Variants in GALK2 observed in about 807,000 individuals in gnomAD.
GALK2 encodes galactokinase 2, also known as N-acetylgalactosamine kinase.
Under a neutral mutation model 52.4 loss-of-function variants are expected in GALK2, and 36 were observed. The ratio of observed to expected loss-of-function variants is 0.69; its 90% CI spans 0.53 to 0.91. GALK2 has a LOEUF of 0.91. Among genes scored for constraint, GALK2 ranks in the 40% least tolerant of loss-of-function variants. GALK2 has a pLI of 0.00. For missense variants in GALK2, 579 were observed against 559.1 expected (o/e 1.04, Z -0.36); for synonymous variants, 176 against 199.1 (o/e 0.88, Z 0.98).
At chr15:49,232,673 A>G (rs1006190897) in intron 3 of GALK2, among the ~76,000 whole-genome samples, 1 of 152,236 alleles carries the variant, frequency 6.6e-6, no homozygotes, top group Non-Finnish European at 1.5e-5. Context: ...TAGAAGCAGC[A>G]GGCTATATCT....
At chr15:49,246,202 G>T (rs2091344114) in intron 5 of GALK2, among the ~76,000 whole-genome samples, 1 of 152,158 alleles carries the variant, frequency 6.6e-6, no homozygotes. Flanking sequence ...TCCAGTTTCT[G>T]TCTGTTCTTG....
chr15:49,252,420 A>T (rs1347591283), intron 5 of GALK2, among the ~76,000 whole-genome samples: 1 of 152,200 alleles, frequency 6.6e-6, no homozygotes, highest in Non-Finnish European at 1.5e-5. Flanking sequence ...ATATACGGTC[A>T]TACTATAATG....
chr15:49,285,210 C>T (rs1296707449), intron 7 of GALK2, among the ~76,000 whole-genome samples: 1 of 152,170 alleles, frequency 6.6e-6, no homozygotes, highest in Non-Finnish European at 1.5e-5. Context: ...TCTTATTTCT[C>T]ATTGTTATTT....
chr15:49,359,546 C>G lies in GALK2; in HGVS notation c.427-7945C>G, dbSNP rs372733433. ...AATCAAAACCACAATGAGATACCATCTCACACCAGTTAGAATGGCAATCAT... is the reference window on the plus strand; with the variant it reads ...AATCAAAACCACAATGAGATACCATGTCACACCAGTTAGAATGGCAATCAT... On this transcript the variant is annotated intron_variant, in intron 3 of 3. Transcript: ENST00000558399. Among the ~76,000 whole-genome samples, 3 of 110,562 alleles carry G rather than the reference C, an allele frequency of 2.7e-5. 1 individual carries two copies. Among genetic ancestry groups the G allele is most frequent in the Non-Finnish European group, 6.0e-5 (3 of 50,254 alleles). The allele number at this position is 110,562 out of a possible 152,430, so 72.5% of individuals were successfully genotyped here.
chr15:49,343,506 A>G (rs1205972729), intron 3 of GALK2: 1 of 152,102 alleles, frequency 6.6e-6, no homozygotes, highest in Non-Finnish European at 1.5e-5. Flanking sequence ...GAGTGACTGT[A>G]TTTTCACTTA....
chr15:49,262,474 C>T (rs944015214), intron 5 of GALK2, among the ~76,000 whole-genome samples: 79 of 152,286 alleles, frequency 5.2e-4, no homozygotes, highest in African/African-American at 1.9e-3. Context: ...CTGTATTAGT[C>T]TTGCTAGCGG....
In GALK2 at chr15:49,235,911, C is replaced by G. The variant is rs756294556; in HGVS notation, c.327C>G (p.Asn109Lys). The G allele has an allele frequency of 3.7e-6, 6 of 1,613,022 alleles. No homozygotes were observed. In the East Asian group the frequency reaches 1.3e-4, roughly 36 times the overall value. ...ATAAAACCAAGCCTTTGTGGCACAA[C>G]TATTTCTTATGTGGACTTAAAGGAA... is the stretch of plus-strand genomic sequence containing the variant. ...QIDKTKPLWH[N>K]YFLCGLKGIQ... The change falls in exon 4 of 10, where the codon AAC (asparagine) becomes AAG (lysine). Residue 109 changes from asparagine (N) to lysine (K), a missense_variant. Transcript: ENST00000560031.
chr15:49,198,483 GA>G (rs2087436641), intron 1 of GALK2, among the ~76,000 whole-genome samples: 1 of 152,132 alleles, frequency 6.6e-6, no homozygotes, highest in Non-Finnish European at 1.5e-5. Flanking sequence ...TGAGATTAAT[GA>G]ATTTCATCAT....
At chr15:49,335,199 G>A (rs537945248), downstream of GALK2, among the ~76,000 whole-genome samples, 1 of 152,178 alleles carries the variant, frequency 6.6e-6, no homozygotes, top group South Asian at 2.1e-4. Flanking sequence ...GTCACACCAA[G>A]CAAAGCTTCC....
At chr15:49,169,205 T>C (rs1202002256), upstream of GALK2, 1 of 151,848 alleles carries the variant, frequency 6.6e-6, no homozygotes, top group Admixed American at 6.6e-5. Flanking sequence ...ATACAACTTA[T>C]CGAATCTCTC....
At chr15:49,256,649 A>G (rs1019197504) in intron 5 of GALK2, among the ~76,000 whole-genome samples, 1 of 152,126 alleles carries the variant, frequency 6.6e-6, no homozygotes, top group Non-Finnish European at 1.5e-5. Flanking sequence ...CTTTAGCCAG[A>G]TGTAATTGGT....
At chr15:49,192,999 T>C (rs867253252) in intron 1 of GALK2, among the ~76,000 whole-genome samples, 35,069 of 86,958 alleles carry the variant, frequency 0.4, 4,955 homozygotes, top group East Asian at 0.53. Flanking sequence ...GTTTATACCT[T>C]TTTTTTTTTT....
At chr15:49,306,869 C>T (rs1436192667) in intron 8 of GALK2, among the ~76,000 whole-genome samples, 4 of 152,158 alleles carry the variant, frequency 2.6e-5, no homozygotes, top group African/African-American at 7.2e-5. Flanking sequence ...CAGGGAGCAG[C>T]TTCAGATTCT....
Position 49,330,364 on chromosome 15 carries a change from GTA to G in GALK2, c.*2210_*2211del, listed in dbSNP as rs2038435491. 6.6e-6 allele frequency: 1 copy of G among 152,228 alleles called. No homozygotes were observed. The highest frequency in any genetic ancestry group is 1.5e-5 in the Non-Finnish European group (1 of 68,044). The allele number at this position is 152,228 out of a possible 1,614,324, so 9.4% of individuals were successfully genotyped here. On this transcript the variant is annotated 3_prime_UTR_variant, in exon 10 of 10. Coordinates refer to ENST00000560031, the MANE Select transcript of GALK2 (RefSeq NM_002044.4). ...CATGGGCCACATCTGGTCTGCAGAT[GTA>G]TATAGTTTGGCCCACAGAATGACTA...
chr15:49,258,746 C>T (rs944997824), intron 5 of GALK2, among the ~76,000 whole-genome samples: 6 of 149,214 alleles, frequency 4.0e-5, no homozygotes, highest in African/African-American at 1.5e-4. Flanking sequence ...TCTCCTGTTA[C>T]TATATCCCCA....
chr15:49,338,503 T>A (rs933220672), intron 3 of GALK2, among the ~76,000 whole-genome samples: 2 of 152,240 alleles, frequency 1.3e-5, no homozygotes, highest in Non-Finnish European at 2.9e-5. Flanking sequence ...CCGCTGTTAG[T>A]CTGGTGGGCT....
At chr15:49,366,141 T>A in intron 3 of GALK2, 2 of 988,004 alleles carry the variant, frequency 2.0e-6, no homozygotes, top group South Asian at 2.5e-5. Flanking sequence ...AATGCCACAG[T>A]GAACACAGCA....
chr15:49,235,698 C>A, intron 3 of GALK2, 153 bp from the exon 4 acceptor site: 1 of 761,708 alleles, frequency 1.3e-6, no homozygotes. Flanking sequence ...CTCTTAGCAG[C>A]TGGAGATGTT....
At chr15:49,281,886 T>C in intron 5 of GALK2, 101 bp from the exon 6 acceptor site, 1 of 762,772 alleles carries the variant, frequency 1.3e-6, no homozygotes, top group Admixed American at 2.3e-5. Context: ...TTGATCAGAG[T>C]TGGTGCTGGA....
Sources: allele counts gnomAD v4.1 joint callset (sites outside exome capture counted in the v4.1 genomes callset), GRCh38; gene constraint gnomAD v4.1.1; transcripts MANE v1.5; gene names NCBI Gene and HGNC (gene_info 2026-07-23, HGNC 2026-07-21).